TMEM132E: variants seen among roughly 807,000 people sequenced by gnomAD.
The protein encoded by TMEM132E is transmembrane protein 132E.
TMEM132E carries 49 observed loss-of-function variants against 78.5 expected under a neutral mutation model. That is an observed-to-expected ratio of 0.62 (90% CI 0.50 to 0.79). The LOEUF (loss-of-function observed/expected upper bound fraction) is 0.79. Ranked by LOEUF, TMEM132E falls within the 30% of genes least tolerant of loss-of-function variation. The pLI, the probability that TMEM132E is intolerant of heterozygous loss-of-function variation, is 0.00. For synonymous variants in TMEM132E, 715 were observed against 670.6 expected (o/e 1.07, Z -1.02); for missense variants, 1,403 against 1,470.9 (o/e 0.95, Z 0.75).
At position 34,634,932 on chromosome 17, in the gene TMEM132E, G is replaced by A; in HGVS notation, c.1822G>A (p.Gly608Ser). Reference protein sequence around the residue: ...FTQFHTTSSEGTDQVVTMLGP... With the variant: ...FTQFHTTSSESTDQVVTMLGP... ...CCAGTTCCACACGACATCATCCGAG[G>A]GCACTGACCAGGTGGTCACCATGTT... The change falls in exon 7 of 9, where the codon GGC (glycine) becomes AGC (serine). Residue 608 changes from glycine to serine, a missense_variant. Around this residue, in one of 3 missense-constraint regions of TMEM132E, gnomAD observed 888 missense variants for 952.8 expected, o/e 0.93. Transcript: ENST00000631683. The A allele has an allele frequency of 3.7e-6, 6 of 1,614,178 alleles. No homozygotes were observed. The highest frequency in any genetic ancestry group is 2.2e-5 in the South Asian group (2 of 91,082).
intron 1 of TMEM132E, among the ~76,000 whole-genome samples, chr17:34,581,431 C>G (rs1418541410): frequency 6.6e-6 from 1 of 151,914 alleles, no homozygotes; most frequent in Non-Finnish European, 1.5e-5. Flanking sequence ...TCGTGTCCGC[C>G]CACGGAAATC....
intron 1 of TMEM132E, among the ~76,000 whole-genome samples, chr17:34,612,162 G>A (rs139135835): frequency 1.8e-4 from 27 of 152,270 alleles, no homozygotes; most frequent in African/African-American, 5.3e-4. Flanking sequence ...GAAGGGGGCT[G>A]TCCTTCCCAG....
At chr17:34,631,834 A>T (rs1296304030) in intron 5 of TMEM132E, among the ~76,000 whole-genome samples, 2 of 152,182 alleles carry the variant, frequency 1.3e-5, no homozygotes, top group Admixed American at 6.5e-5. Flanking sequence ...CAGCATGAGC[A>T]CCTAGATGCA....
chr17:34,623,095 C>T (rs1368812901), intron 1 of TMEM132E, among the ~76,000 whole-genome samples: 1 of 152,058 alleles, frequency 6.6e-6, no homozygotes, highest in Non-Finnish European at 1.5e-5. Flanking sequence ...AATATTTTCT[C>T]AGTGTAATCC....
In TMEM132E at chr17:34,637,907, G is replaced by A; in HGVS notation, c.2900G>A (p.Gly967Asp). The change falls in exon 9 of 9, where the codon GGC (glycine) becomes GAC (aspartate). Residue 967 changes from glycine to aspartate, a missense_variant. This residue lies in a region of TMEM132E where 888 missense variants were observed against 952.8 expected (regional missense o/e 0.93). Transcript: ENST00000631683. Reference sequence around the variant, plus strand: ...GAAACCGTGCCCGCCTTCTGCCACGGCGACCACCACAGCAGCGGCAGCTCG... The same window carrying A: ...GAAACCGTGCCCGCCTTCTGCCACGACGACCACCACAGCAGCGGCAGCTCG... ...PLETVPAFCH[G>D]DHHSSGSSQT... 1.2e-6 allele frequency: 2 copies of A among 1,605,758 alleles called. No individual in the cohort carries two copies. The highest frequency in any genetic ancestry group is 2.2e-5 in the South Asian group (2 of 90,888).
intron 2 of TMEM132E, among the ~76,000 whole-genome samples, chr17:34,627,684 G>T (rs187810732): frequency 1.3e-5 from 2 of 152,142 alleles, no homozygotes; most frequent in South Asian, 2.1e-4. Context: ...TTTGAGTTAT[G>T]TTGTGTGACT....
chr17:34,606,673 T>C (rs1015909694), intron 1 of TMEM132E, among the ~76,000 whole-genome samples: 6 of 152,208 alleles, frequency 3.9e-5, no homozygotes, highest in Non-Finnish European at 5.9e-5. Context: ...ACCATGGTTC[T>C]TACATAGGTC....
chr17:34,632,705 T>C lies in TMEM132E; in HGVS notation c.1484T>C (p.Val495Ala). The C allele has an allele frequency of 6.2e-7, 1 of 1,614,104 alleles. No homozygotes were observed. The highest frequency in any genetic ancestry group is 8.5e-7 in the Non-Finnish European group (1 of 1,180,012). The change falls in exon 6 of 9, where the codon GTA becomes GCA. Residue 495 changes from valine to alanine, a missense_variant and splice_region_variant. This residue lies in a region of TMEM132E where 888 missense variants were observed against 952.8 expected (regional missense o/e 0.93). Transcript: ENST00000631683. ...CESDNEDIIK[V>A]SSSCDYVFVS... is the part of the protein sequence containing the mutation. The stretch of plus-strand genomic sequence containing the variant: ...CCAACTGTTCCTCCCTTCCCCCAGG[T>C]ATCCAGCAGCTGTGACTACGTGTTT...
intron 1 of TMEM132E, among the ~76,000 whole-genome samples, chr17:34,602,227 G>A (rs1267999567): frequency 2.6e-5 from 4 of 152,250 alleles, no homozygotes; most frequent in African/African-American, 4.8e-5. Flanking sequence ...AGTCTGAAAT[G>A]AACAATCGTG....
intron 1 of TMEM132E, among the ~76,000 whole-genome samples, chr17:34,622,400 T>C (rs1906989185): frequency 6.6e-6 from 1 of 152,208 alleles, no homozygotes. Context: ...TGGTTCATGG[T>C]GGTGATGGGA....
intron 7 of TMEM132E, 65 bp from the exon 8 acceptor site, chr17:34,635,942 G>A: frequency 1.5e-6 from 2 of 1,310,480 alleles, no homozygotes; most frequent in Non-Finnish European, 9.8e-7. Flanking sequence ...CTCCCTAGCT[G>A]GGGGTCTTGG....
intron 1 of TMEM132E, among the ~76,000 whole-genome samples, chr17:34,613,663 C>T (rs1906687271): frequency 6.6e-6 from 1 of 152,106 alleles, no homozygotes; most frequent in Non-Finnish European, 1.5e-5. Flanking sequence ...TCCCTCTCCC[C>T]TGTTCTCAGC....
rs1907616441 is a variant in TMEM132E, at chr17:34,638,281, C to T, written c.*49C>T. 2.1e-6 allele frequency: 3 copies of T among 1,463,156 alleles called. No individual in the cohort carries two copies. The highest frequency in any genetic ancestry group is 1.4e-5 in the South Asian group (1 of 70,134). 90.6% of individuals were successfully genotyped at this position (1,463,156 alleles called of 1,614,324 possible). ...ACCCCCCCCCCCAACGGGGTCAGCT[C>T]GGGGTAGGACACAGCCGGGACCCCG... On this transcript the variant is annotated 3_prime_UTR_variant, in exon 9 of 9. Coordinates refer to ENST00000631683, the MANE Select transcript of TMEM132E (RefSeq NM_001304438.2).
At chr17:34,593,198 G>T (rs545066410) in intron 1 of TMEM132E, among the ~76,000 whole-genome samples, 1 of 151,578 alleles carries the variant, frequency 6.6e-6, no homozygotes, top group Non-Finnish European at 1.5e-5. Context: ...CTTGAGACCA[G>T]GAGTTCGAGA....
At chr17:34,611,123 G>T (rs1383275191) in intron 1 of TMEM132E, among the ~76,000 whole-genome samples, 1 of 152,238 alleles carries the variant, frequency 6.6e-6, no homozygotes, top group Non-Finnish European at 1.5e-5. Flanking sequence ...ACACCTACCA[G>T]GTGGAATGTG....
Position 34,634,974 on chromosome 17 carries a change from G to A in TMEM132E, c.1864G>A (p.Val622Met), listed in dbSNP as rs1208646475. The change falls in exon 7 of 9, where the codon GTG becomes ATG. Residue 622 changes from valine to methionine, a missense_variant. Physicochemically the swap from Val to Met is conservative, Grantham distance 21. This residue lies in a region of TMEM132E where 888 missense variants were observed against 952.8 expected (regional missense o/e 0.93). Coordinates refer to ENST00000631683, the MANE Select transcript of TMEM132E (RefSeq NM_001304438.2). ...CACCATGTTAGGCCCGGACTGGCTGGTGGAGGTCACCGACCTAGTCAGTGA... is the reference window on the plus strand; with the variant it reads ...CACCATGTTAGGCCCGGACTGGCTGATGGAGGTCACCGACCTAGTCAGTGA... ...VVTMLGPDWL[V>M]EVTDLVSDFM... 2 of 1,614,174 alleles carry A rather than the reference G, an allele frequency of 1.2e-6. No homozygotes were observed. Among genetic ancestry groups the A allele is most frequent in the South Asian group, 1.1e-5 (1 of 91,080 alleles).
At chr17:34,611,621 G>A (rs1272808719) in intron 1 of TMEM132E, among the ~76,000 whole-genome samples, 2 of 152,192 alleles carry the variant, frequency 1.3e-5, no homozygotes, top group Non-Finnish European at 2.9e-5. Flanking sequence ...GGCCCTGTGG[G>A]GAAGACCAGG....
chr17:34,597,810 C>T (rs1009851758), intron 1 of TMEM132E, among the ~76,000 whole-genome samples: 1 of 152,190 alleles, frequency 6.6e-6, no homozygotes, highest in Non-Finnish European at 1.5e-5. Flanking sequence ...ATGCTCTCCT[C>T]CACACTTCCT....
intron 1 of TMEM132E, among the ~76,000 whole-genome samples, chr17:34,613,199 A>C (rs1452466536): frequency 2.7e-5 from 3 of 110,256 alleles, no homozygotes; most frequent in African/African-American, 9.6e-5. Flanking sequence ...ACACACACCC[A>C]CACACACACA....
Sources: gnomAD v4.1 joint callset for allele counts (sites outside exome capture counted in the v4.1 genomes callset) on GRCh38, gnomAD v4.1.1 for gene constraint, gnomAD v4.1.1 regional missense constraint, MANE v1.5 for transcripts, NCBI Gene and HGNC (gene_info 2026-07-23, HGNC 2026-07-21) for gene names.